THSD7B: variants seen among roughly 807,000 people sequenced by gnomAD.
THSD7B encodes thrombospondin type-1 domain-containing protein 7B.
THSD7B carries 138 observed loss-of-function variants against 213.6 expected under a neutral mutation model. The observed-to-expected ratio is 0.65, with a 90% confidence interval of 0.56 to 0.74. THSD7B has a LOEUF of 0.74. Ranked by LOEUF, THSD7B falls within the 30% of genes least tolerant of loss-of-function variation. The probability of loss-of-function intolerance (pLI) is 0.00; values close to 1 mark genes in which losing one functional copy is unlikely to be tolerated. For synonymous variants in THSD7B, 742 were observed against 687.0 expected (o/e 1.08, Z -1.25); for missense variants, 1,931 against 1,991.5 (o/e 0.97, Z 0.58).
At position 137,095,708 on chromosome 2, in the gene THSD7B, AT is replaced by A. The variant is rs138796764; in HGVS notation, c.1199+595del. ...ATATTAATAGCTACATTTTAACAGC[AT>A]TTTTTTTGAGATAAAAACTCTTGTT... is the stretch of plus-strand genomic sequence containing the variant. On this transcript the variant is annotated intron_variant, in intron 4 of 27. Coordinates refer to ENST00000409968, the MANE Select transcript of THSD7B (RefSeq NM_001316349.2). Among the ~76,000 whole-genome samples, 527 of 151,918 alleles carry A rather than the reference AT, an allele frequency of 3.5e-3. 7 individuals carry two copies. The East Asian group carries it at 0.045, about 13-fold the overall frequency.
chr2:137,293,949 C>A (rs1683396423), intron 12 of THSD7B, among the ~76,000 whole-genome samples: 1 of 152,006 alleles, frequency 6.6e-6, no homozygotes, highest in Non-Finnish European at 1.5e-5. Context: ...TAATCTGGCC[C>A]CTGTATTTTA....
At chr2:136,880,112 A>G (rs185041216) in intron 1 of THSD7B, among the ~76,000 whole-genome samples, 4 of 152,274 alleles carry the variant, frequency 2.6e-5, no homozygotes, top group Admixed American at 2.0e-4. Context: ...TGCACCAAGC[A>G]GACCTAATAG....
intron 7 of THSD7B, among the ~76,000 whole-genome samples, chr2:137,224,122 A>C (rs1681443501): frequency 6.6e-6 from 1 of 152,144 alleles, no homozygotes; most frequent in Non-Finnish European, 1.5e-5. Context: ...TTTTTGCTCG[A>C]TTTGTTGTTT....
At chr2:137,388,568 A>C (rs1011714418) in intron 12 of THSD7B, among the ~76,000 whole-genome samples, 2 of 151,846 alleles carry the variant, frequency 1.3e-5, no homozygotes, top group Admixed American at 6.6e-5. Flanking sequence ...AAACATTGTC[A>C]TTACGTATAG....
chr2:137,157,770 CAT>C (rs1323398615), intron 5 of THSD7B, among the ~76,000 whole-genome samples: 2 of 152,146 alleles, frequency 1.3e-5, no homozygotes, highest in Non-Finnish European at 2.9e-5. Flanking sequence ...ATAATAACAA[CAT>C]ATATCTCAAA....
intron 2 of THSD7B, among the ~76,000 whole-genome samples, chr2:136,951,685 G>T (rs1685041016): frequency 6.6e-6 from 1 of 152,156 alleles, no homozygotes; most frequent in Non-Finnish European, 1.5e-5. Flanking sequence ...ATGGTTTAAT[G>T]ATTTTGATGG....
At chr2:136,969,594 T>A (rs995956390) in intron 2 of THSD7B, among the ~76,000 whole-genome samples, 5 of 151,866 alleles carry the variant, frequency 3.3e-5, no homozygotes, top group Non-Finnish European at 7.4e-5. Context: ...ATTATGAGGG[T>A]TTTTTTGCAA....
In THSD7B at chr2:136,916,443, G is replaced by A. The variant is rs191110806; in HGVS notation, c.139+34126G>A. Among the ~76,000 whole-genome samples the A allele has an allele frequency of 8.5e-4, 129 of 152,278 alleles. 1 individual carries two copies. The highest frequency in any genetic ancestry group is 3.0e-3 in the African/African-American group (125 of 41,562). ...TGCATTCACTCATTTCCTTCCACCA[G>A]CAATGCAAAGGAGGCTTAGTTAGCC... On this transcript the variant is annotated intron_variant, in intron 2 of 27. Transcript: ENST00000409968.
At chr2:137,672,190 A>G (rs1298898230) in intron 27 of THSD7B, among the ~76,000 whole-genome samples, 1 of 152,226 alleles carries the variant, frequency 6.6e-6, no homozygotes, top group Admixed American at 6.5e-5. Flanking sequence ...TAATATTTAT[A>G]TGTCAAATAT....
At chr2:136,932,661 T>A (rs1463432140) in intron 2 of THSD7B, among the ~76,000 whole-genome samples, 1 of 152,172 alleles carries the variant, frequency 6.6e-6, no homozygotes, top group Non-Finnish European at 1.5e-5. Flanking sequence ...AAGTGGATCA[T>A]CTTAAAGGTC....
intron 5 of THSD7B, among the ~76,000 whole-genome samples, chr2:137,124,354 C>A (rs1345059255): frequency 6.6e-6 from 1 of 152,198 alleles, no homozygotes; most frequent in African/African-American, 2.4e-5. Context: ...GAAGAAGTAT[C>A]CACTTACTGC....
At position 137,115,048 on chromosome 2, in the gene THSD7B, C is replaced by G. The variant is rs986802521; in HGVS notation, c.1200-76C>G. The G allele has an allele frequency of 2.6e-6, 4 of 1,553,014 alleles. No individual in the cohort carries two copies. The African/African-American group carries it at 5.4e-5, about 21-fold the overall frequency. Reference sequence around the variant, plus strand: ...AAAGAGAGATTATGCCTCTTGATGTCATGACTTAAGTTTTCCTCAGAGTTG... The same window carrying G: ...AAAGAGAGATTATGCCTCTTGATGTGATGACTTAAGTTTTCCTCAGAGTTG... On this transcript the variant is annotated intron_variant, in intron 4 of 27. Transcript: ENST00000409968.
intron 21 of THSD7B, among the ~76,000 whole-genome samples, chr2:137,651,669 T>C (rs1255794177): frequency 6.6e-6 from 1 of 152,106 alleles, no homozygotes; most frequent in Non-Finnish European, 1.5e-5. Flanking sequence ...GAATTCTTTC[T>C]ACTTTTTCAA....
chr2:137,068,550 G>C (rs907451940), intron 3 of THSD7B, among the ~76,000 whole-genome samples: 7 of 151,948 alleles, frequency 4.6e-5, no homozygotes, highest in African/African-American at 1.7e-4. Flanking sequence ...ACTCTACCAG[G>C]ATTTTTTTGC....
At chr2:137,083,317 C>A (rs1333561632) in intron 3 of THSD7B, among the ~76,000 whole-genome samples, 1 of 152,096 alleles carries the variant, frequency 6.6e-6, no homozygotes, top group African/African-American at 2.4e-5. Flanking sequence ...ACTCTTCCAG[C>A]TAAACTTCTC....
At chr2:137,411,562 A>G in intron 13 of THSD7B, 47 bp from the exon 14 acceptor site, 9 of 1,536,098 alleles carry the variant, frequency 5.9e-6, no homozygotes, top group Non-Finnish European at 7.9e-6. Flanking sequence ...ACTTTTAACA[A>G]AACAGCAGAT....
chr2:136,980,029 C>T (rs1685548049), intron 2 of THSD7B, among the ~76,000 whole-genome samples: 1 of 151,994 alleles, frequency 6.6e-6, no homozygotes, highest in Non-Finnish European at 1.5e-5. Context: ...TTCCTTAGGG[C>T]TGCTGTGCTT....
chr2:136,978,552 T>C (rs1173892932), intron 2 of THSD7B, among the ~76,000 whole-genome samples: 1 of 152,196 alleles, frequency 6.6e-6, no homozygotes, highest in East Asian at 1.9e-4. Flanking sequence ...AATGCCCTTC[T>C]TTGTCTCTTT....
At chr2:137,284,008 A>G (rs58672881) in intron 12 of THSD7B, among the ~76,000 whole-genome samples, 24,990 of 151,992 alleles carry the variant, frequency 0.16, 2,522 homozygotes, top group East Asian at 0.48. Context: ...GGTAGAATTC[A>G]GCTGTGAATC....
Sources: gnomAD v4.1 joint callset for allele counts (sites outside exome capture counted in the v4.1 genomes callset) on GRCh38, gnomAD v4.1.1 for gene constraint, MANE v1.5 for transcripts, NCBI Gene and HGNC (gene_info 2026-07-23, HGNC 2026-07-21) for gene names.